Variants in HNF4A observed in about 807,000 individuals in gnomAD.
HNF4A encodes hepatocyte nuclear factor 4 alpha.
HNF4A carries 15 observed loss-of-function variants against 52.4 expected under a neutral mutation model. That is an observed-to-expected ratio of 0.29 (90% CI 0.19 to 0.44). The LOEUF (loss-of-function observed/expected upper bound fraction) is 0.44, where lower values mean the gene tolerates loss of function less well. Ranked by LOEUF, HNF4A falls within the 20% of genes least tolerant of loss-of-function variation. HNF4A has a pLI of 1.00. For missense variants in HNF4A, 479 were observed against 647.2 expected, an observed-to-expected ratio of 0.74 and a Z score of 2.82; for synonymous variants, 280 against 264.4, an observed-to-expected ratio of 1.06 and a Z score of -0.57.
intron 1 of HNF4A, among the ~76,000 whole-genome samples, chr20:44,374,799 A>G (rs1323801830): frequency 3.3e-5 from 5 of 152,180 alleles, no homozygotes; most frequent in Admixed American, 6.6e-5. Flanking sequence ...TGTGTAGAAC[A>G]TATAAGTGCA....
At chr20:44,433,350 GT>G (rs1285509404), downstream of HNF4A, 10 of 157,766 alleles carry the variant, frequency 6.3e-5, no homozygotes, top group East Asian at 1.9e-4. Context: ...AAAGCAAGTG[GT>G]TTTTTTGTTT....
Position 44,418,499 on chromosome 20 carries a change from C to T in HNF4A, c.723C>T (p.Asp241=), listed in dbSNP as rs376586083. Residue 241 remains aspartate (D), a synonymous_variant, in exon 6 of 10, where the codon GAC becomes GAT. Transcript: ENST00000316099. ...CCAAGAGATCCATGGTGTTCAAGGA[C>T]GTGCTGCTCCTAGGTGAGGCGGCTG... 39 of 1,612,670 alleles carry T rather than the reference C, an allele frequency of 2.4e-5. No individual in the cohort carries two copies. The highest frequency in any genetic ancestry group is 9.3e-5 in the African/African-American group (7 of 75,034).
chr20:44,381,120 C>T (rs1377581738), intron 1 of HNF4A, among the ~76,000 whole-genome samples: 8 of 152,140 alleles, frequency 5.3e-5, no homozygotes, highest in Admixed American at 2.0e-4. Context: ...CTTAATACTT[C>T]CAATGACGGA....
intron 1 of HNF4A, among the ~76,000 whole-genome samples, chr20:44,357,440 A>G (rs1438395107): frequency 6.6e-6 from 1 of 152,074 alleles, no homozygotes; most frequent in Non-Finnish European, 1.5e-5. Flanking sequence ...TGGCTAGGGG[A>G]AGACATTGTC....
chr20:44,394,978 T>G (rs137855505), intron 1 of HNF4A, among the ~76,000 whole-genome samples: 1 of 152,178 alleles, frequency 6.6e-6, no homozygotes, highest in Non-Finnish European at 1.5e-5. Flanking sequence ...GTTGCTTCCT[T>G]CCAAACCCAC....
upstream of HNF4A, among the ~76,000 whole-genome samples, chr20:44,396,796 T>C (rs768156878): frequency 1.3e-5 from 2 of 152,212 alleles, no homozygotes; most frequent in African/African-American, 4.8e-5. Flanking sequence ...ATTTTTCTGA[T>C]GCTTAAACTA....
At chr20:44,395,956 G>A (rs2063349223) in intron 1 of HNF4A, among the ~76,000 whole-genome samples, 1 of 152,116 alleles carries the variant, frequency 6.6e-6, no homozygotes, top group Admixed American at 6.5e-5. Flanking sequence ...TGTGGAGGAT[G>A]CCCCTGCCCC....
At chr20:44,406,526 C>T (rs1266600767) in intron 2 of HNF4A, among the ~76,000 whole-genome samples, 2 of 152,170 alleles carry the variant, frequency 1.3e-5, no homozygotes, top group African/African-American at 4.8e-5. Context: ...TGTTGTTTTT[C>T]CCATTCCATG....
chr20:44,384,823 T>C (rs1222225780), intron 1 of HNF4A, among the ~76,000 whole-genome samples: 2 of 152,136 alleles, frequency 1.3e-5, no homozygotes, highest in Admixed American at 1.3e-4. Flanking sequence ...TCTAGAGAGA[T>C]AGGCTGAGTC....
chr20:44,377,453 G>T (rs1476578467), intron 1 of HNF4A, among the ~76,000 whole-genome samples: 2 of 152,026 alleles, frequency 1.3e-5, no homozygotes, highest in African/African-American at 4.8e-5. Context: ...TTGAAATAAC[G>T]GGCCAGGCAA....
chr20:44,359,745 A>C (rs1453098467), intron 1 of HNF4A, among the ~76,000 whole-genome samples: 1 of 152,164 alleles, frequency 6.6e-6, no homozygotes, highest in Middle Eastern at 3.2e-3. Context: ...AAATGTCTCC[A>C]GAAAGCCAAA....
At chr20:44,369,949 C>G (rs186064821) in intron 1 of HNF4A, among the ~76,000 whole-genome samples, 1 of 152,196 alleles carries the variant, frequency 6.6e-6, no homozygotes, top group East Asian at 1.9e-4. Context: ...CTCTCACAGG[C>G]TCTGACTCTT....
chr20:44,428,693 T>C (rs1226341236), intron 9 of HNF4A, among the ~76,000 whole-genome samples: 5 of 152,222 alleles, frequency 3.3e-5, no homozygotes, highest in Non-Finnish European at 5.9e-5. Context: ...AAGCCATTGT[T>C]GGGATGAGGC....
chr20:44,380,219 G>A lies in HNF4A; in HGVS notation c.49+24366G>A, dbSNP rs1004806492. ...GATTTGCACTTCCCTAATGATTAGT[G>A]ATGTTAAGTATCTTTTTATGTGCTT... is the stretch of plus-strand genomic sequence containing the variant. On this transcript the variant is annotated intron_variant, in intron 1 of 9. Coordinates refer to the HNF4A transcript ENST00000316673. 3.3e-5 allele frequency among the ~76,000 whole-genome samples: 5 copies of A among 152,188 alleles called. No individual in the cohort carries two copies. In the South Asian group the frequency reaches 6.2e-4, roughly 19 times the overall value.
chr20:44,385,891 G>A (rs570081490), intron 1 of HNF4A, among the ~76,000 whole-genome samples: 79 of 148,316 alleles, frequency 5.3e-4, no homozygotes, highest in Non-Finnish European at 1.0e-3. Flanking sequence ...GCAGGGTCTC[G>A]CTCTGGCGCC....
chr20:44,359,001 C>T (rs1343649667), intron 1 of HNF4A, among the ~76,000 whole-genome samples: 2 of 152,168 alleles, frequency 1.3e-5, no homozygotes, highest in Admixed American at 6.5e-5. Context: ...TTCTCGTCAT[C>T]GCTCTGATCA....
At chr20:44,370,806 T>C (rs6017331) in intron 1 of HNF4A, among the ~76,000 whole-genome samples, 1,589 of 152,320 alleles carry the variant, frequency 0.01, 31 homozygotes, top group African/African-American at 0.037. Flanking sequence ...AGCCTCTGCC[T>C]GGGCCTTGCC....
chr20:44,372,744 G>A (rs1169994355), intron 1 of HNF4A: 1 of 152,126 alleles, frequency 6.6e-6, no homozygotes, highest in Admixed American at 6.5e-5. Context: ...AAGAACACAG[G>A]TCCATCTACA....
chr20:44,416,660 G>T (rs1031998175), intron 5 of HNF4A, among the ~76,000 whole-genome samples: 2 of 152,242 alleles, frequency 1.3e-5, no homozygotes, highest in Non-Finnish European at 2.9e-5. Flanking sequence ...ACAAGTGGCT[G>T]CCCAGGAGCA....
Sources: gnomAD v4.1 joint callset for allele counts (sites outside exome capture counted in the v4.1 genomes callset) on GRCh38, gnomAD v4.1.1 for gene constraint, MANE v1.5 for transcripts, NCBI Gene and HGNC (gene_info 2026-07-23, HGNC 2026-07-21) for gene names.